GABBR2: variants seen among roughly 807,000 people sequenced by gnomAD.
GABBR2 encodes the protein G-protein coupled receptor 51.
GABBR2 carries 23 observed loss-of-function variants against 105.6 expected under a neutral mutation model. The observed-to-expected ratio is 0.22, with a 90% confidence interval of 0.16 to 0.31. GABBR2 has a LOEUF of 0.31. GABBR2 is among the 10% of genes least tolerant of loss of function. GABBR2 has a pLI of 1.00. For missense variants in GABBR2, 734 were observed against 1,245.5 expected (o/e 0.59, Z 6.18); for synonymous variants, 478 against 499.7 (o/e 0.96, Z 0.58).
chr9:98,671,239 G>A (rs551728807), intron 1 of GABBR2, among the ~76,000 whole-genome samples: 3 of 151,850 alleles, frequency 2.0e-5, no homozygotes, highest in Non-Finnish European at 4.4e-5. Flanking sequence ...CATTTCACAC[G>A]AATGGAATCC....
chr9:98,528,047 G>C (rs1372959496), intron 3 of GABBR2, among the ~76,000 whole-genome samples: 2 of 152,066 alleles, frequency 1.3e-5, no homozygotes, highest in African/African-American at 4.8e-5. Context: ...TGGATATGTT[G>C]TATTAAATAA....
intron 13 of GABBR2, among the ~76,000 whole-genome samples, chr9:98,334,133 C>T (rs1019577389): frequency 2.0e-5 from 3 of 152,184 alleles, no homozygotes; most frequent in South Asian, 2.1e-4. Context: ...AAGGATGAAG[C>T]GGGACTGGAA....
intron 1 of GABBR2, among the ~76,000 whole-genome samples, chr9:98,666,092 T>G (rs1018981359): frequency 2.6e-5 from 4 of 152,130 alleles, no homozygotes; most frequent in Non-Finnish European, 5.9e-5. Context: ...AGTGGTCACA[T>G]GACTATGGAG....
rs1206582505 is a variant in GABBR2 at position 98,399,482 on chromosome 9, C to A, written c.1298-5227G>T. Among the ~76,000 whole-genome samples, 4 of 152,216 alleles carry A rather than the reference C, an allele frequency of 2.6e-5. No individual in the cohort carries two copies. In the South Asian group the frequency reaches 8.3e-4, roughly 32 times the overall value. On this transcript the variant is annotated intron_variant, in intron 8 of 18. Coordinates refer to ENST00000259455, the MANE Select transcript of GABBR2 (RefSeq NM_005458.8). ...GCCTGTGCCATCACTTATCACGCATCACACTTTGCTGTTGTCTGTGTCTAC... is the reference window on the plus strand; with the variant it reads ...GCCTGTGCCATCACTTATCACGCATAACACTTTGCTGTTGTCTGTGTCTAC...
intron 3 of GABBR2, among the ~76,000 whole-genome samples, chr9:98,509,874 A>G (rs1029234742): frequency 6.6e-6 from 1 of 152,236 alleles, no homozygotes; most frequent in African/African-American, 2.4e-5. Context: ...GAACTTCCCC[A>G]ATCTAGCAAG....
intron 6 of GABBR2, among the ~76,000 whole-genome samples, chr9:98,459,542 G>A (rs1346871028): frequency 1.3e-5 from 2 of 152,186 alleles, no homozygotes; most frequent in Admixed American, 1.3e-4. Flanking sequence ...CATGGCCAAG[G>A]TGCCAGAGTA....
At chr9:98,384,042 G>A (rs893216279) in intron 11 of GABBR2, among the ~76,000 whole-genome samples, 2 of 152,126 alleles carry the variant, frequency 1.3e-5, no homozygotes, top group Admixed American at 1.3e-4. Flanking sequence ...TGCTCTCAAC[G>A]TCTTGAAAGA....
chr9:98,299,654 A>C lies in GABBR2; in HGVS notation c.2413-301T>G, dbSNP rs7875521. ...GAAGGGCAGGGAGAGCATACGAGCT[A>C]AGGCTCTGGACAGGACTTATGCAAA... On this transcript the variant is annotated intron_variant, in intron 16 of 18. Coordinates refer to ENST00000259455, the MANE Select transcript of GABBR2 (RefSeq NM_005458.8). Among the ~76,000 whole-genome samples the C allele has an allele frequency of 0.31, 46,695 of 152,038 alleles. 7,614 individuals are homozygous for C. Among genetic ancestry groups the C allele is most frequent in the African/African-American group, 0.41 (17,050 of 41,430 alleles).
chr9:98,320,542 A>G (rs888450994), intron 13 of GABBR2, among the ~76,000 whole-genome samples: 24 of 152,292 alleles, frequency 1.6e-4, no homozygotes, highest in Non-Finnish European at 2.6e-4. Context: ...TGTTTATTGC[A>G]GCATTATTCA....
intron 13 of GABBR2, among the ~76,000 whole-genome samples, chr9:98,320,066 G>A (rs557080558): frequency 1.6e-4 from 24 of 151,998 alleles, no homozygotes; most frequent in African/African-American, 5.1e-4. Context: ...GAAAATTTTC[G>A]CAACCTACTC....
Position 98,704,268 on chromosome 9 carries a change from C to T in GABBR2, c.321+4149G>A, listed in dbSNP as rs148395552. 3.2e-4 allele frequency among the ~76,000 whole-genome samples: 48 copies of T among 152,276 alleles called. No homozygotes were observed. In the East Asian group the frequency reaches 9.1e-3, roughly 29 times the overall value. ...AGGGAAAAGATATTTGGCAAAGCCACTCAAGAAAAAAGACATGCTCAACAA... is the reference window on the plus strand; with the variant it reads ...AGGGAAAAGATATTTGGCAAAGCCATTCAAGAAAAAAGACATGCTCAACAA... On this transcript the variant is annotated intron_variant, in intron 1 of 18. Transcript: ENST00000259455.
rs117324778 is a variant in GABBR2, at chr9:98,388,127, C to T, written c.1529+727G>A. On this transcript the variant is annotated intron_variant, in intron 10 of 18. Transcript: ENST00000259455. This position sits in a 1 kb window ranked among gnomAD's most constrained non-coding sequence, Gnocchi z 4.4. ...AGCAAAATGCACTTGGTAAAAACCACCGCCTGGAGTGGCGGCCTGTTCTAC... is the reference window on the plus strand; with the variant it reads ...AGCAAAATGCACTTGGTAAAAACCATCGCCTGGAGTGGCGGCCTGTTCTAC... Among the ~76,000 whole-genome samples, 1 of 152,350 alleles carries T rather than the reference C, an allele frequency of 6.6e-6. No individual in the cohort carries two copies. Among genetic ancestry groups the T allele is most frequent in the Non-Finnish European group, 1.5e-5 (1 of 68,042 alleles).
rs144179312 is a variant in GABBR2, at chr9:98,335,160, C to T, written c.1894-23955G>A. Among the ~76,000 whole-genome samples, 37 of 152,244 alleles carry T rather than the reference C, an allele frequency of 2.4e-4. No individual in the cohort carries two copies. The East Asian group carries it at 6.9e-3, about 29-fold the overall frequency. ...TTCCTCTTCCTTGCTCTCTCTCTTCCACTGGAGAAACAATTGTTCAAATGC... is the reference window on the plus strand; with the variant it reads ...TTCCTCTTCCTTGCTCTCTCTCTTCTACTGGAGAAACAATTGTTCAAATGC... On this transcript the variant is annotated intron_variant, in intron 13 of 18. Transcript: ENST00000259455.
intron 1 of GABBR2, among the ~76,000 whole-genome samples, chr9:98,659,935 C>G (rs1227663480): frequency 6.6e-6 from 1 of 151,986 alleles, no homozygotes. Flanking sequence ...TAAACTGTTA[C>G]TTGCCAGAAA....
Position 98,708,574 on chromosome 9 carries a change from G to A in GABBR2, c.164C>T (p.Pro55Leu), listed in dbSNP as rs760155306. The change falls in exon 1 of 19, where the codon CCG becomes CTG. Residue 55 changes from proline (P) to leucine (L), a missense_variant. By Grantham distance (98) the Pro-to-Leu change is moderately conservative. Around this residue, in one of 7 missense-constraint regions of GABBR2, gnomAD observed 70 missense variants for 73.4 expected, o/e 0.95. Transcript: ENST00000259455. Reference sequence around the variant, plus strand: ...CGGCATGAGGCCCATGATGGAGAGCGGCGGGCTGCTGGGCGGCGGCCGGGG... The same window carrying A: ...CGGCATGAGGCCCATGATGGAGAGCAGCGGGCTGCTGGGCGGCGGCCGGGG... ...GAPRPPPSSP[P>L]LSIMGLMPLT... 1.6e-5 allele frequency: 24 copies of A among 1,530,228 alleles called. No individual in the cohort carries two copies. Among genetic ancestry groups the A allele is most frequent in the Middle Eastern group, 2.1e-4 (1 of 4,806 alleles). The allele number at this position is 1,530,228 out of a possible 1,614,324, so 94.8% of individuals were successfully genotyped here.
chr9:98,334,263 A>G (rs1831076571), intron 13 of GABBR2, among the ~76,000 whole-genome samples: 1 of 152,260 alleles, frequency 6.6e-6, no homozygotes, highest in Non-Finnish European at 1.5e-5. Flanking sequence ...CATTATGCAC[A>G]ATTGGAAGCT....
chr9:98,681,745 A>G (rs1830550105), intron 1 of GABBR2, among the ~76,000 whole-genome samples: 2 of 128,506 alleles, frequency 1.6e-5, no homozygotes, highest in Non-Finnish European at 3.3e-5. Context: ...TTTTTGATCA[A>G]ATAAATTCAA....
chr9:98,394,722 A>G (rs138482269), intron 8 of GABBR2, among the ~76,000 whole-genome samples: 5 of 152,206 alleles, frequency 3.3e-5, no homozygotes, highest in Non-Finnish European at 5.9e-5. Context: ...ACAGAACAGC[A>G]CTTCAATCTC....
intron 5 of GABBR2, among the ~76,000 whole-genome samples, chr9:98,476,757 G>T (rs889152694): frequency 1.3e-5 from 2 of 151,980 alleles, no homozygotes; most frequent in African/African-American, 4.8e-5. Context: ...ATGGCTTTTT[G>T]TCTCCTTTCT....
Sources: gnomAD v4.1 joint callset for allele counts (sites outside exome capture counted in the v4.1 genomes callset) on GRCh38, gnomAD v4.1.1 for gene constraint, gnomAD v4.1.1 regional missense constraint, Gnocchi (gnomAD v3.1) non-coding constraint, MANE v1.5 for transcripts, NCBI Gene and HGNC (gene_info 2026-07-23, HGNC 2026-07-21) for gene names.